The following MARK1 variants were observed in gnomAD, a reference collection of about 807,000 sequenced individuals.
The protein encoded by MARK1 is serine/threonine-protein kinase MARK1.
In MARK1, 40 loss-of-function variants were observed where a neutral mutation model predicts 96.3. The ratio of observed to expected loss-of-function variants is 0.42; its 90% CI spans 0.32 to 0.54. The LOEUF is 0.54. Among genes scored for constraint, MARK1 ranks in the 20% least tolerant of loss-of-function variants. The pLI, the probability that MARK1 is intolerant of heterozygous loss-of-function variation, is 0.16. For synonymous variants in MARK1, 317 were observed against 341.2 expected (o/e 0.93, Z 0.78); for missense variants, 719 against 984.6 (o/e 0.73, Z 3.61).
At chr1:220,540,477 ACT>A (rs1353109341) in intron 1 of MARK1, among the ~76,000 whole-genome samples, 2 of 151,628 alleles carry the variant, frequency 1.3e-5, no homozygotes, top group Admixed American at 6.6e-5. Context: ...TTCTGGAAAA[ACT>A]CTCTTGGATA....
In MARK1 at chr1:220,662,399, ATTTCTGTTCAT is replaced by A. The variant is rs1214325520; in HGVS notation, c.*245_*255del. On this transcript the variant is annotated 3_prime_UTR_variant, in exon 18 of 18. Coordinates refer to ENST00000366917, the MANE Select transcript of MARK1 (RefSeq NM_018650.5). Reference sequence around the variant, plus strand: ...ACATGTACAGGTAAGTATATTGTGTATTTCTGTTCATTTTCTGTTCATAGAGTTGTATAATA... The same window carrying A: ...ACATGTACAGGTAAGTATATTGTGTATTTCTGTTCATAGAGTTGTATAATA... 1 of 428,140 alleles carries A rather than the reference ATTTCTGTTCAT, an allele frequency of 2.3e-6. No homozygotes were observed. Among genetic ancestry groups the A allele is most frequent in the African/African-American group, 1.9e-5 (1 of 51,388 alleles). 26.5% of individuals were successfully genotyped at this position (428,140 alleles called of 1,614,324 possible).
At chr1:220,609,957 A>G (rs189715011) in intron 6 of MARK1, among the ~76,000 whole-genome samples, 16 of 152,114 alleles carry the variant, frequency 1.1e-4, no homozygotes, top group African/African-American at 2.7e-4. Context: ...AGGTAACTCA[A>G]CCTTTCTCTC....
At chr1:220,566,073 C>T (rs1663033798) in intron 1 of MARK1, among the ~76,000 whole-genome samples, 1 of 152,138 alleles carries the variant, frequency 6.6e-6, no homozygotes, top group African/African-American at 2.4e-5. Flanking sequence ...GATGTCTCAT[C>T]TTTAAATTGG....
At chr1:220,641,390 G>C (rs148648623) in intron 13 of MARK1, among the ~76,000 whole-genome samples, 4 of 152,122 alleles carry the variant, frequency 2.6e-5, no homozygotes, top group Non-Finnish European at 5.9e-5. Context: ...CCCTTCTACC[G>C]TGTGAAATCA....
chr1:220,607,435 G>A (rs1038756234), intron 6 of MARK1, among the ~76,000 whole-genome samples: 2 of 152,082 alleles, frequency 1.3e-5, no homozygotes, highest in African/African-American at 4.8e-5. Flanking sequence ...TGAGATGATG[G>A]GATTTTCTAA....
At chr1:220,620,352 T>G (rs898815993) in intron 9 of MARK1, among the ~76,000 whole-genome samples, 1 of 152,172 alleles carries the variant, frequency 6.6e-6, no homozygotes, top group Non-Finnish European at 1.5e-5. Flanking sequence ...AATTTTTGAC[T>G]CTCATATCAG....
intron 1 of MARK1, among the ~76,000 whole-genome samples, chr1:220,530,925 A>G (rs1276485199): frequency 6.7e-6 from 1 of 150,258 alleles, no homozygotes; most frequent in Non-Finnish European, 1.5e-5. Flanking sequence ...ATTAATAAGT[A>G]TGCACTCAGC....
At chr1:220,626,004 C>T (rs1572196101) in intron 9 of MARK1, 1 of 547,614 alleles carries the variant, frequency 1.8e-6, no homozygotes, top group East Asian at 4.6e-5. Flanking sequence ...GCACAGCAAG[C>T]AGATGCAGAT....
chr1:220,653,728 T>C (rs1490741642), intron 16 of MARK1, among the ~76,000 whole-genome samples: 1 of 152,174 alleles, frequency 6.6e-6, no homozygotes, highest in East Asian at 1.9e-4. Context: ...TGCTTACTAA[T>C]AATATATAAT....
chr1:220,657,721 T>C, intron 16 of MARK1, 69 bp from the exon 17 acceptor site: 2 of 1,137,992 alleles, frequency 1.8e-6, no homozygotes, highest in Non-Finnish European at 2.5e-6. Context: ...TAAAATAATT[T>C]TAGATATAGG....
intron 1 of MARK1, among the ~76,000 whole-genome samples, chr1:220,562,138 T>G (rs1294256954): frequency 1.3e-5 from 2 of 152,212 alleles, no homozygotes; most frequent in African/African-American, 4.8e-5. Context: ...AATCTTGGTA[T>G]AGCCAGTTGG....
At chr1:220,586,011 A>ACGCACG (rs1553322976) in intron 3 of MARK1, among the ~76,000 whole-genome samples, 8 of 148,536 alleles carry the variant, frequency 5.4e-5, no homozygotes, top group African/African-American at 7.7e-5. Context: ...ACACACACAC[A>ACGCACG]CGCGCGCGTG....
At position 220,528,833 on chromosome 1, in the gene MARK1, G is replaced by A. The variant is rs771737931; in HGVS notation, c.11G>A (p.Arg4Gln). 2 of 1,564,126 alleles carry A rather than the reference G, an allele frequency of 1.3e-6. No homozygotes were observed. Among genetic ancestry groups the A allele is most frequent in the Non-Finnish European group, 8.7e-7 (1 of 1,154,230 alleles). ...CGCTGCCCGCACAAAATGTCGGCCC[G>A]GACGCCATTGCCGACGGTGAACGAG... The part of the protein sequence containing the change: MSA[R>Q]TPLPTVNERD... The change falls in exon 1 of 18, where the codon CGG (arginine) becomes CAG (glutamine). Residue 4 changes from arginine to glutamine, a missense_variant. Around this residue, in one of 4 missense-constraint regions of MARK1, gnomAD observed 105 missense variants for 133.4 expected, o/e 0.79. Transcript: ENST00000366917.
rs77163101 is a variant in MARK1 at position 220,613,048 on chromosome 1, C to A, written c.496-2891C>A. ...GAAAACACTGATGTGTGTGGTCTTACCGTCAGTACCCAGCTGACAGTAAAT... is the reference window on the plus strand; with the variant it reads ...GAAAACACTGATGTGTGTGGTCTTAACGTCAGTACCCAGCTGACAGTAAAT... On this transcript the variant is annotated intron_variant, in intron 6 of 17. Coordinates refer to ENST00000366917, the MANE Select transcript of MARK1 (RefSeq NM_018650.5). Among the ~76,000 whole-genome samples the A allele has an allele frequency of 2.9e-3, 444 of 152,296 alleles. 1 individual carries two copies. The highest frequency in any genetic ancestry group is 0.01 in the African/African-American group (425 of 41,560).
intron 3 of MARK1, among the ~76,000 whole-genome samples, chr1:220,592,267 A>C (rs1021298435): frequency 6.9e-6 from 1 of 145,404 alleles, no homozygotes; most frequent in Admixed American, 6.9e-5. Flanking sequence ...ATTATATTAT[A>C]TTATACTATC....
At chr1:220,555,366 G>A (rs1662171455) in intron 1 of MARK1, among the ~76,000 whole-genome samples, 1 of 152,150 alleles carries the variant, frequency 6.6e-6, no homozygotes, top group Non-Finnish European at 1.5e-5. Flanking sequence ...GCTGCTGTGG[G>A]CAGAATTCTT....
At position 220,528,801 on chromosome 1, in the gene MARK1, C is replaced by G; in HGVS notation, c.-22C>G. On this transcript the variant is annotated 5_prime_UTR_variant, in exon 1 of 18. Coordinates refer to ENST00000366917, the MANE Select transcript of MARK1 (RefSeq NM_018650.5). ...ACAGCCCGGCCGGCGAGACCCCGGC[C>G]AGACCCCGCTGCCCGCACAAAATGT... The G allele has an allele frequency of 1.3e-6, 2 of 1,548,652 alleles. No homozygotes were observed. Among genetic ancestry groups the G allele is most frequent in the South Asian group, 2.4e-5 (2 of 83,902 alleles).
chr1:220,564,312 G>T (rs1406559567), intron 1 of MARK1, among the ~76,000 whole-genome samples: 1 of 152,130 alleles, frequency 6.6e-6, no homozygotes, highest in Non-Finnish European at 1.5e-5. Context: ...AAGCCCAGTC[G>T]TAGGGCTGTA....
At chr1:220,573,700 C>T (rs1332553982) in intron 1 of MARK1, among the ~76,000 whole-genome samples, 1 of 152,092 alleles carries the variant, frequency 6.6e-6, no homozygotes. Flanking sequence ...TCTTCAAGTT[C>T]ATTGACCCTT....
Sources: allele counts gnomAD v4.1 joint callset (sites outside exome capture counted in the v4.1 genomes callset), GRCh38; gene constraint gnomAD v4.1.1; regional missense constraint gnomAD v4.1.1; transcripts MANE v1.5; gene names NCBI Gene and HGNC (gene_info 2026-07-23, HGNC 2026-07-21).